The following CDC5L variants were observed in gnomAD, a reference collection of about 807,000 sequenced individuals.
CDC5L encodes cell division cycle 5-like protein.
A neutral mutation model predicts 104.1 loss-of-function variants in CDC5L; 18 were observed. The ratio of observed to expected loss-of-function variants is 0.17; its 90% CI spans 0.12 to 0.26. The LOEUF (loss-of-function observed/expected upper bound fraction) is 0.26, where lower values mean the gene tolerates loss of function less well. CDC5L is among the 10% of genes least tolerant of loss of function. The pLI is 1.00. For synonymous variants in CDC5L, 331 were observed against 322.7 expected (o/e 1.03, Z -0.28); for missense variants, 673 against 956.9 (o/e 0.70, Z 3.91).
Position 44,449,463 on chromosome 6 carries a change from T to G in CDC5L, c.*2752T>G, listed in dbSNP as rs1793569750. The G allele has an allele frequency of 6.6e-6, 1 of 152,212 alleles. No individual in the cohort carries two copies. The highest frequency in any genetic ancestry group is 6.5e-5 in the Admixed American group (1 of 15,282). 9.4% of individuals were successfully genotyped at this position (152,212 alleles called of 1,614,324 possible). A position where few individuals can be genotyped will look rare whatever the true frequency, so the allele number is the denominator to read the frequency against. ...TGAGCTCAGGAGTTCAAGATTAGCC[T>G]GGGTAACATAGTGAGACCCTGTCTC... On this transcript the variant is annotated 3_prime_UTR_variant, in exon 16 of 16. Coordinates refer to ENST00000371477, the MANE Select transcript of CDC5L (RefSeq NM_001253.4).
chr6:44,388,028 G>A (rs1177574771), intron 1 of CDC5L, among the ~76,000 whole-genome samples, 160 bp downstream of exon 1: 2 of 152,138 alleles, frequency 1.3e-5, no homozygotes, highest in African/African-American at 4.8e-5. Context: ...GTCTGGCCCC[G>A]TGTTGTGCGA....
At chr6:44,388,864 T>C (rs549904141) in intron 1 of CDC5L, among the ~76,000 whole-genome samples, 1 of 152,336 alleles carries the variant, frequency 6.6e-6, no homozygotes, top group East Asian at 1.9e-4. Context: ...TCACATCCTC[T>C]GTGTGGTACT....
chr6:44,442,094 G>C (rs956981198), intron 14 of CDC5L, among the ~76,000 whole-genome samples: 4 of 151,848 alleles, frequency 2.6e-5, no homozygotes, highest in Admixed American at 1.3e-4. Flanking sequence ...CCGCTACCAT[G>C]CCCGGCTAAT....
intron 8 of CDC5L, among the ~76,000 whole-genome samples, chr6:44,417,052 G>T (rs538000560): frequency 6.6e-6 from 1 of 152,264 alleles, no homozygotes; most frequent in East Asian, 1.9e-4. Flanking sequence ...TAGTGATTTA[G>T]TGCATTTTAC....
chr6:44,405,340 G>A (rs1028622307), intron 6 of CDC5L, among the ~76,000 whole-genome samples: 2 of 152,270 alleles, frequency 1.3e-5, no homozygotes, highest in South Asian at 4.1e-4. Flanking sequence ...CCTCAGATTA[G>A]GACTTTGCTT....
rs1012152909 is a variant in CDC5L at position 44,399,955 on chromosome 6, A to AT, written c.539+3524dup. On this transcript the variant is annotated intron_variant, in intron 5 of 15. Transcript: ENST00000371477. ...GTGAGCCACCACACCTGGCTACTTTATTTTTTTTTAATTAAATAAATATTT... is the reference window on the plus strand; with the variant it reads ...GTGAGCCACCACACCTGGCTACTTTATTTTTTTTTTAATTAAATAAATATTT... 6.6e-5 allele frequency among the ~76,000 whole-genome samples: 10 copies of AT among 150,518 alleles called. No individual in the cohort carries two copies. In the East Asian group the frequency reaches 1.2e-3, roughly 18 times the overall value.
At chr6:44,400,154 C>G (rs1302021651) in intron 5 of CDC5L, among the ~76,000 whole-genome samples, 1 of 151,986 alleles carries the variant, frequency 6.6e-6, no homozygotes, top group Non-Finnish European at 1.5e-5. Context: ...TCCTTTTGTT[C>G]TTGGAACATA....
intron 8 of CDC5L, among the ~76,000 whole-genome samples, chr6:44,414,191 C>G (rs1342007501): frequency 6.6e-6 from 1 of 152,064 alleles, no homozygotes; most frequent in African/African-American, 2.4e-5. Context: ...GCAGCCCTCC[C>G]ACCACAGCCT....
chr6:44,404,066 G>T, intron 6 of CDC5L, 39 bp downstream of exon 6: 1 of 1,450,640 alleles, frequency 6.9e-7, no homozygotes, highest in African/African-American at 1.4e-5. Context: ...GAAAGGAATA[G>T]TAGGAGGAGT....
intron 14 of CDC5L, among the ~76,000 whole-genome samples, chr6:44,433,671 T>C (rs186944439): frequency 7.2e-4 from 109 of 152,260 alleles, no homozygotes; most frequent in African/African-American, 2.6e-3. Flanking sequence ...AGTCAAGAAA[T>C]ATTATATAAC....
intron 14 of CDC5L, among the ~76,000 whole-genome samples, chr6:44,442,785 C>G (rs905445864): frequency 6.6e-6 from 1 of 152,066 alleles, no homozygotes; most frequent in Non-Finnish European, 1.5e-5. Context: ...ATGCCCTGGC[C>G]TGGATAAGGG....
At chr6:44,428,473 T>C (rs887919561) in intron 13 of CDC5L, among the ~76,000 whole-genome samples, 1 of 152,208 alleles carries the variant, frequency 6.6e-6, no homozygotes, top group Non-Finnish European at 1.5e-5. Flanking sequence ...AAAATTCATA[T>C]GCTTATGGAA....
intron 9 of CDC5L, among the ~76,000 whole-genome samples, chr6:44,422,083 C>T (rs751889233): frequency 6.6e-6 from 1 of 152,184 alleles, no homozygotes; most frequent in Non-Finnish European, 1.5e-5. Context: ...ATCTGTGGAT[C>T]TTATTCCTAG....
chr6:44,411,637 A>AGAGAGAGAGAGAGAGTGTGTGTGTGTGT lies in CDC5L; in HGVS notation c.1092+3006_1092+3007insAGAGAGAGAGAGAGTGTGTGTGTGTGTG. Among the ~76,000 whole-genome samples, 115 of 123,720 alleles carry AGAGAGAGAGAGAGAGTGTGTGTGTGTGT rather than the reference A, an allele frequency of 9.3e-4. 1 individual carries two copies. Among genetic ancestry groups the AGAGAGAGAGAGAGAGTGTGTGTGTGTGT allele is most frequent in the Middle Eastern group, 8.0e-3 (2 of 250 alleles). 81.2% of individuals were successfully genotyped at this position (123,720 alleles called of 152,430 possible). On this transcript the variant is annotated intron_variant, in intron 8 of 15. Transcript: ENST00000371477. ...GAGAGAGAGAGAGAGAGAGAGAGAG[A>AGAGAGAGAGAGAGAGTGTGTGTGTGTGT]GTGTGTGTGTGTGTGTGACTAAAAA...
intron 14 of CDC5L, among the ~76,000 whole-genome samples, chr6:44,441,680 T>C (rs1287285878): frequency 6.6e-6 from 1 of 152,206 alleles, no homozygotes; most frequent in Non-Finnish European, 1.5e-5. Flanking sequence ...TACCTTATTG[T>C]GGTTTTGATT....
chr6:44,388,027 C>A (rs1233078920), intron 1 of CDC5L, among the ~76,000 whole-genome samples, 159 bp downstream of exon 1: 1 of 152,134 alleles, frequency 6.6e-6, no homozygotes, highest in African/African-American at 2.4e-5. Context: ...TGTCTGGCCC[C>A]GTGTTGTGCG....
intron 14 of CDC5L, among the ~76,000 whole-genome samples, chr6:44,432,117 A>G (rs1224020188): frequency 6.6e-6 from 1 of 152,138 alleles, no homozygotes; most frequent in East Asian, 1.9e-4. Flanking sequence ...ACAAACCCCC[A>G]TTTTATTTGT....
At chr6:44,441,522 T>C (rs1793188618) in intron 14 of CDC5L, among the ~76,000 whole-genome samples, 2 of 152,228 alleles carry the variant, frequency 1.3e-5, no homozygotes. Context: ...TTCAGTTTTT[T>C]GAGGAACCTC....
intron 1 of CDC5L, among the ~76,000 whole-genome samples, chr6:44,388,924 T>A (rs1378314024): frequency 1.8e-5 from 1 of 56,862 alleles, no homozygotes; most frequent in East Asian, 5.0e-4. Context: ...TTTTTCTAAA[T>A]TGGGATAATA....
Sources: gnomAD v4.1 joint callset for allele counts (sites outside exome capture counted in the v4.1 genomes callset) on GRCh38, gnomAD v4.1.1 for gene constraint, MANE v1.5 for transcripts, NCBI Gene and HGNC (gene_info 2026-07-23, HGNC 2026-07-21) for gene names.